The following OCA2 variants were observed in gnomAD, a reference collection of about 807,000 sequenced individuals.
OCA2 encodes OCA2 melanosomal transmembrane protein.
OCA2 carries 77 observed loss-of-function variants against 100.2 expected under a neutral mutation model. The observed-to-expected ratio is 0.77, with a 90% CI of 0.64 to 0.93. OCA2 has a LOEUF of 0.93. Among genes scored for constraint, OCA2 ranks in the 40% least tolerant of loss-of-function variants. OCA2 has a pLI of 0.00. For missense variants in OCA2, 1,062 were observed against 1,089.1 expected (o/e 0.98, Z 0.35); for synonymous variants, 432 against 439.2 (o/e 0.98, Z 0.21).
At chr15:27,858,007 A>T (rs2036001596) in intron 21 of OCA2, among the ~76,000 whole-genome samples, 1 of 151,962 alleles carries the variant, frequency 6.6e-6, no homozygotes, top group Admixed American at 6.6e-5. Context: ...CACTACAAAA[A>T]AATCAACTAA....
At chr15:27,851,316 G>GT (rs1305175097) in intron 22 of OCA2, 66 bp downstream of exon 22, 5 of 1,288,028 alleles carry the variant, frequency 3.9e-6, no homozygotes, top group Non-Finnish European at 5.6e-6. Context: ...CACACTAACT[G>GT]TTGCTTTGGG....
At chr15:27,726,403 AG>A in the OCA2 span, among the ~76,000 whole-genome samples, 7 of 152,082 alleles carry the variant, frequency 4.6e-5, no homozygotes, top group African/African-American at 1.7e-4. Context: ...TTGTTAAAAA[AG>A]AAATGGTTTA....
At chr15:27,996,511 A>G (rs1206769866) in intron 9 of OCA2, among the ~76,000 whole-genome samples, 2 of 152,086 alleles carry the variant, frequency 1.3e-5, no homozygotes, top group South Asian at 2.1e-4. Flanking sequence ...AGAGACTAGA[A>G]AGACAATTGA....
In OCA2 at chr15:28,096,297, G is replaced by A. The variant is rs987635957; in HGVS notation, c.-22+2927C>T. Among the ~76,000 whole-genome samples, 3 of 151,380 alleles carry A rather than the reference G, an allele frequency of 2.0e-5. No individual in the cohort carries two copies. In the South Asian group the frequency reaches 6.3e-4, roughly 32 times the overall value. On this transcript the variant is annotated intron_variant, in intron 1 of 23. Transcript: ENST00000354638. ...GTCTCCGGGGGCATGGCCTGTCTCC[G>A]AGGTGTGGTCGTGTCTCCGGGGGCG...
chr15:28,013,630 G>A (rs2042301113), intron 9 of OCA2, among the ~76,000 whole-genome samples: 1 of 152,164 alleles, frequency 6.6e-6, no homozygotes. Flanking sequence ...GCCTCTGGCT[G>A]CTGGAGGGAG....
intron 19 of OCA2, among the ~76,000 whole-genome samples, chr15:27,894,825 G>A (rs777565701): frequency 6.6e-6 from 1 of 152,036 alleles, no homozygotes; most frequent in Non-Finnish European, 1.5e-5. Flanking sequence ...TTTCTGCCTG[G>A]TCCCAACCCA....
At chr15:27,958,095 A>G (rs2040291370) in intron 15 of OCA2, among the ~76,000 whole-genome samples, 1 of 152,190 alleles carries the variant, frequency 6.6e-6, no homozygotes, top group Non-Finnish European at 1.5e-5. Flanking sequence ...AGATATACCT[A>G]ATATAAATGA....
At chr15:27,863,270 T>C (rs1237079965) in intron 21 of OCA2, among the ~76,000 whole-genome samples, 1 of 152,126 alleles carries the variant, frequency 6.6e-6, no homozygotes, top group Non-Finnish European at 1.5e-5. Context: ...CCAGCAGCAG[T>C]TCCGGGCGGA....
chr15:28,096,083 T>C (rs1332764572), intron 1 of OCA2, among the ~76,000 whole-genome samples: 8 of 150,916 alleles, frequency 5.3e-5, no homozygotes, highest in Non-Finnish European at 8.8e-5. Context: ...CCTGGCTGCG[T>C]CTGCAAAGGC....
chr15:28,011,656 C>T lies in OCA2; in HGVS notation c.1044+3120G>A, dbSNP rs780436512. Among the ~76,000 whole-genome samples the T allele has an allele frequency of 1.5e-4, 23 of 152,116 alleles. 1 individual carries two copies. Among genetic ancestry groups the T allele is most frequent in the African/African-American group, 2.4e-4 (10 of 41,420 alleles). ...ACTGGCCCGGCACAGTGGCTCATGACTGTAATCCCAGAACTTTGGGAGGCT... is the reference window on the plus strand; with the variant it reads ...ACTGGCCCGGCACAGTGGCTCATGATTGTAATCCCAGAACTTTGGGAGGCT... On this transcript the variant is annotated intron_variant, in intron 9 of 23. Coordinates refer to ENST00000354638, the MANE Select transcript of OCA2 (RefSeq NM_000275.3).
At chr15:28,078,584 A>G (rs2044510071) in intron 2 of OCA2, among the ~76,000 whole-genome samples, 1 of 152,192 alleles carries the variant, frequency 6.6e-6, no homozygotes, top group South Asian at 2.1e-4. Flanking sequence ...CCCAGGAAGA[A>G]CCACACCCGG....
At chr15:27,891,580 T>A (rs2037463668) in intron 19 of OCA2, among the ~76,000 whole-genome samples, 2 of 152,234 alleles carry the variant, frequency 1.3e-5, no homozygotes, top group African/African-American at 4.8e-5. Context: ...CCTAGATTAC[T>A]TATAGTACCT....
At chr15:27,768,791 C>T (rs762753066) in intron 23 of OCA2, among the ~76,000 whole-genome samples, 4 of 152,206 alleles carry the variant, frequency 2.6e-5, no homozygotes, top group East Asian at 1.9e-4. Flanking sequence ...CAGTGGCACA[C>T]GCCCGAGTTT....
At chr15:27,732,084 G>A in the OCA2 span, among the ~76,000 whole-genome samples, 1 of 152,086 alleles carries the variant, frequency 6.6e-6, no homozygotes, top group East Asian at 1.9e-4. Flanking sequence ...GGCAAGAGAT[G>A]GTTTTATTTC....
chr15:27,958,260 A>C (rs2040297556), intron 15 of OCA2, among the ~76,000 whole-genome samples: 1 of 152,254 alleles, frequency 6.6e-6, no homozygotes, highest in Admixed American at 6.5e-5. Context: ...GTGAAGAATA[A>C]ATTCCTTTCT....
intron 9 of OCA2, among the ~76,000 whole-genome samples, chr15:27,993,810 C>G (rs142222719): frequency 1.5e-3 from 235 of 152,216 alleles, no homozygotes; most frequent in African/African-American, 5.5e-3. Context: ...GCTAAGGGGC[C>G]CCACACACCA....
At chr15:28,091,137 A>G (rs2044863758) in intron 1 of OCA2, among the ~76,000 whole-genome samples, 1 of 152,178 alleles carries the variant, frequency 6.6e-6, no homozygotes, top group Non-Finnish European at 1.5e-5. Flanking sequence ...AACTCACCCA[A>G]TATAAAATGG....
intron 23 of OCA2, among the ~76,000 whole-genome samples, chr15:27,758,277 G>A (rs2030547016): frequency 6.6e-6 from 1 of 152,130 alleles, no homozygotes; most frequent in East Asian, 1.9e-4. Context: ...TAGCCAGAAA[G>A]CCAGGAAAGG....
At chr15:28,011,679 G>A (rs768919743) in intron 9 of OCA2, among the ~76,000 whole-genome samples, 11 of 150,784 alleles carry the variant, frequency 7.3e-5, no homozygotes, top group Non-Finnish European at 1.6e-4. Flanking sequence ...ACTTTGGGAG[G>A]CTGAAGTGGG....
Sources: allele counts gnomAD v4.1 joint callset (sites outside exome capture counted in the v4.1 genomes callset), GRCh38; gene constraint gnomAD v4.1.1; transcripts MANE v1.5; gene names NCBI Gene and HGNC (gene_info 2026-07-23, HGNC 2026-07-21).